Variants in PLXDC2 observed in about 807,000 individuals in gnomAD.
PLXDC2 encodes plexin domain containing 2.
In PLXDC2, 40 loss-of-function variants were observed where a neutral mutation model predicts 68.9. The observed-to-expected ratio is 0.58, with a 90% CI of 0.45 to 0.76. The LOEUF is 0.76. Among genes scored for constraint, PLXDC2 ranks in the 30% least tolerant of loss-of-function variants. The pLI, the probability that PLXDC2 is intolerant of heterozygous loss-of-function variation, is 0.00. For synonymous variants in PLXDC2, 243 were observed against 234.2 expected (o/e 1.04, Z -0.34); for missense variants, 644 against 661.9 (o/e 0.97, Z 0.30).
intron 1 of PLXDC2, among the ~76,000 whole-genome samples, chr10:19,901,425 TGGTGATGTTGA>T (rs1313858350): frequency 6.6e-6 from 1 of 152,130 alleles, no homozygotes; most frequent in Non-Finnish European, 1.5e-5. Context: ...CCCTGATAAT[TGGTGATGTTGA>T]GCATTTTTCC....
At chr10:20,144,491 A>T (rs903873148) in intron 5 of PLXDC2, among the ~76,000 whole-genome samples, 8 of 152,192 alleles carry the variant, frequency 5.3e-5, no homozygotes, top group African/African-American at 1.9e-4. Context: ...ATCTTGAGTA[A>T]CACCAAGGTA....
intron 1 of PLXDC2, among the ~76,000 whole-genome samples, chr10:19,918,689 A>G (rs1318514737): frequency 1.3e-5 from 2 of 152,206 alleles, no homozygotes; most frequent in Non-Finnish European, 2.9e-5. Flanking sequence ...TAAAATATTA[A>G]CACAGGCAGT....
chr10:20,134,984 TG>T (rs1227161014), intron 4 of PLXDC2, among the ~76,000 whole-genome samples: 2 of 152,196 alleles, frequency 1.3e-5, no homozygotes, highest in Non-Finnish European at 2.9e-5. Flanking sequence ...AGACTTGATG[TG>T]GGTAATGTGA....
At chr10:20,007,130 G>A (rs1245140824) in intron 2 of PLXDC2, among the ~76,000 whole-genome samples, 1 of 152,210 alleles carries the variant, frequency 6.6e-6, no homozygotes, top group African/African-American at 2.4e-5. Flanking sequence ...CCTTGTTGGA[G>A]CAGCCTTCAC....
intron 9 of PLXDC2, among the ~76,000 whole-genome samples, chr10:20,189,373 T>A (rs1589672209): frequency 6.7e-6 from 1 of 149,918 alleles, no homozygotes; most frequent in Admixed American, 6.7e-5. Flanking sequence ...CATTTCATCA[T>A]AATCAGATCT....
chr10:19,914,842 G>C (rs781314916), intron 1 of PLXDC2, among the ~76,000 whole-genome samples: 27 of 152,090 alleles, frequency 1.8e-4, no homozygotes, highest in Non-Finnish European at 3.7e-4. Flanking sequence ...TGGATTGACA[G>C]TTTTATCAAG....
At chr10:20,004,779 C>T (rs1051972703) in intron 2 of PLXDC2, among the ~76,000 whole-genome samples, 1 of 152,034 alleles carries the variant, frequency 6.6e-6, no homozygotes, top group African/African-American at 2.4e-5. Flanking sequence ...AATACAATCC[C>T]GGTGGTTACT....
At chr10:19,831,299 T>G (rs544127896) in intron 1 of PLXDC2, among the ~76,000 whole-genome samples, 3 of 152,304 alleles carry the variant, frequency 2.0e-5, no homozygotes, top group Admixed American at 2.0e-4. Context: ...TTTCTCATCT[T>G]TCTTGGTGTT....
At chr10:20,274,927 CTTGTT>C (rs1341331865) in intron 13 of PLXDC2, among the ~76,000 whole-genome samples, 2 of 150,036 alleles carry the variant, frequency 1.3e-5, no homozygotes, top group Non-Finnish European at 3.0e-5. Context: ...TGTTTAATGA[CTTGTT>C]TGTTTGAAAT....
chr10:20,147,720 T>C, intron 5 of PLXDC2, 64 bp from the exon 6 acceptor site: 1 of 1,020,406 alleles, frequency 9.8e-7, no homozygotes, highest in Non-Finnish European at 1.5e-6. Context: ...TTGTGAAAAC[T>C]CCCACCAGAA....
chr10:20,007,188 T>A (rs1016367244), intron 2 of PLXDC2, among the ~76,000 whole-genome samples: 1 of 152,212 alleles, frequency 6.6e-6, no homozygotes, highest in Non-Finnish European at 1.5e-5. Flanking sequence ...AGGGCAAGCA[T>A]CTTCCCCTGG....
intron 1 of PLXDC2, among the ~76,000 whole-genome samples, chr10:19,875,524 A>T (rs1307818511): frequency 6.6e-6 from 1 of 152,234 alleles, no homozygotes; most frequent in African/African-American, 2.4e-5. Context: ...TAGAGGTAGT[A>T]AAAGGTCCAA....
At chr10:19,889,507 C>G (rs1837910809) in intron 1 of PLXDC2, among the ~76,000 whole-genome samples, 2 of 152,162 alleles carry the variant, frequency 1.3e-5, no homozygotes, top group Admixed American at 1.3e-4. Flanking sequence ...TTTAATGACT[C>G]AGGCACTCTT....
intron 4 of PLXDC2, among the ~76,000 whole-genome samples, chr10:20,140,164 G>T (rs1278846922): frequency 6.6e-6 from 1 of 151,992 alleles, no homozygotes; most frequent in East Asian, 1.9e-4. Context: ...GCCGGGCGTG[G>T]TGGAGGGCGC....
At chr10:19,995,120 A>G (rs566028180) in intron 1 of PLXDC2, among the ~76,000 whole-genome samples, 1 of 152,344 alleles carries the variant, frequency 6.6e-6, no homozygotes, top group Admixed American at 6.5e-5. Context: ...GACAAAAAAT[A>G]TAAATAAGCT....
At chr10:20,235,263 C>G (rs932347501) in intron 12 of PLXDC2, among the ~76,000 whole-genome samples, 1 of 152,140 alleles carries the variant, frequency 6.6e-6, no homozygotes, top group African/African-American at 2.4e-5. Flanking sequence ...TCCTTCTTTC[C>G]ATGAGTAATT....
At chr10:19,912,088 A>G (rs1401402790) in intron 1 of PLXDC2, among the ~76,000 whole-genome samples, 4 of 152,312 alleles carry the variant, frequency 2.6e-5, no homozygotes, top group South Asian at 4.1e-4. Flanking sequence ...CAATCACAGC[A>G]TCTCAAGACT....
chr10:20,007,230 G>T (rs1056568807), intron 2 of PLXDC2, among the ~76,000 whole-genome samples: 3 of 152,148 alleles, frequency 2.0e-5, no homozygotes, highest in African/African-American at 7.2e-5. Context: ...CTGGCATGAA[G>T]CTCTCATAGC....
At chr10:19,975,992 G>C (rs1190382452) in intron 1 of PLXDC2, among the ~76,000 whole-genome samples, 1 of 152,082 alleles carries the variant, frequency 6.6e-6, no homozygotes, top group Non-Finnish European at 1.5e-5. Flanking sequence ...GACAGAGCGA[G>C]ACTCCTTCTA....
Sources: gnomAD v4.1 joint callset for allele counts (sites outside exome capture counted in the v4.1 genomes callset) on GRCh38, gnomAD v4.1.1 for gene constraint, MANE v1.5 for transcripts, NCBI Gene and HGNC (gene_info 2026-07-23, HGNC 2026-07-21) for gene names.